Variants in ALG6 observed in about 807,000 individuals in gnomAD.
The protein encoded by ALG6 is dolichyl pyrophosphate Man9GlcNAc2 alpha-1,3-glucosyltransferase.
In ALG6, 46 loss-of-function variants were observed where a neutral mutation model predicts 66.6. That is an observed-to-expected ratio of 0.69 (90% CI 0.55 to 0.88). The LOEUF (loss-of-function observed/expected upper bound fraction) is 0.88. Among genes scored for constraint, ALG6 ranks in the 40% least tolerant of loss-of-function variants. The pLI, the probability that ALG6 is intolerant of heterozygous loss-of-function variation, is 0.00. For synonymous variants in ALG6, 185 were observed against 203.7 expected, an observed-to-expected ratio of 0.91 and a Z score of 0.78; for missense variants, 505 against 586.8, an observed-to-expected ratio of 0.86 and a Z score of 1.44.
intron 13 of ALG6, 58 bp downstream of exon 13, chr1:63,428,859 C>CT (rs1644630641): frequency 6.3e-7 from 1 of 1,587,764 alleles, no homozygotes; most frequent in African/African-American, 1.3e-5. Context: ...TAATTTAAAA[C>CT]TTTTTTATGA....
At chr1:63,382,641 GTT>G (rs146212470) in intron 2 of ALG6, among the ~76,000 whole-genome samples, 920 of 51,052 alleles carry the variant, frequency 0.018, 19 homozygotes, top group African/African-American at 0.087. Context: ...GCCTGGCTAA[GTT>G]TTTTTTTGTT....
rs931496282 is a variant in ALG6 at position 63,432,946 on chromosome 1, A to G, written c.1326+3820A>G. ...CATGCTTGCCTAATTTTTATTTTTT[A>G]TTTTATTCTTTTTGAGATGGAGTTT... is the stretch of plus-strand genomic sequence containing the variant. On this transcript the variant is annotated intron_variant, in intron 14 of 14. Coordinates refer to ENST00000263440, the MANE Select transcript of ALG6 (RefSeq NM_013339.4). Among the ~76,000 whole-genome samples, 7 of 151,664 alleles carry G rather than the reference A, an allele frequency of 4.6e-5. No homozygotes were observed. The East Asian group carries it at 1.4e-3, about 29-fold the overall frequency.
At chr1:63,401,029 A>G (rs1557588158) in intron 3 of ALG6, among the ~76,000 whole-genome samples, 2 of 152,110 alleles carry the variant, frequency 1.3e-5, no homozygotes, top group Non-Finnish European at 2.9e-5. Flanking sequence ...AGGGGCTCCA[A>G]CTAACCCAGA....
In ALG6 at chr1:63,375,431, TTTTTTTC is replaced by T. The variant is rs1283121768; in HGVS notation, c.82+4373_82+4379del. ...CGGCATTTTTTTTTTTTTTTTTTTT[TTTTTTTC>T]CAGTAGAGACAGGATTTCCCCATGT... is the stretch of plus-strand genomic sequence containing the variant. On this transcript the variant is annotated intron_variant, in intron 2 of 14. Transcript: ENST00000263440. Among the ~76,000 whole-genome samples, 502 of 144,478 alleles carry T rather than the reference TTTTTTTC, an allele frequency of 3.5e-3. 4 individuals are homozygous for T. Among genetic ancestry groups the T allele is most frequent in the African/African-American group, 0.013 (482 of 36,750 alleles). The allele number at this position is 144,478 out of a possible 152,430, so 94.8% of individuals were successfully genotyped here. A position where few individuals can be genotyped will look rare whatever the true frequency, so the allele number is the denominator to read the frequency against.
intron 14 of ALG6, among the ~76,000 whole-genome samples, chr1:63,431,530 C>A (rs1163540117): frequency 6.6e-6 from 1 of 152,174 alleles, no homozygotes; most frequent in African/African-American, 2.4e-5. Context: ...AGTCTTCCCA[C>A]CTCAGCCCCC....
chr1:63,411,821 G>A (rs1209510629), intron 8 of ALG6, 105 bp from the exon 9 acceptor site: 1 of 1,457,604 alleles, frequency 6.9e-7, no homozygotes, highest in Non-Finnish European at 9.6e-7. Context: ...CATAGATTTG[G>A]CATTACTATA....
intron 1 of ALG6, among the ~76,000 whole-genome samples, chr1:63,368,913 A>G (rs1174328256): frequency 6.6e-6 from 1 of 152,194 alleles, no homozygotes; most frequent in Non-Finnish European, 1.5e-5. Context: ...ACCACTACTC[A>G]AATCAAGAAG....
At chr1:63,406,286 C>T in intron 5 of ALG6, 31 bp from the exon 6 acceptor site, 2 of 1,583,618 alleles carry the variant, frequency 1.3e-6, no homozygotes, top group Non-Finnish European at 1.7e-6. Flanking sequence ...CTGATGGACT[C>T]ATGTTTAAAG....
intron 2 of ALG6, among the ~76,000 whole-genome samples, chr1:63,386,998 T>G (rs1266669548): frequency 6.6e-6 from 1 of 152,198 alleles, no homozygotes; most frequent in Non-Finnish European, 1.5e-5. Flanking sequence ...CATTTTCATT[T>G]GTTTGAAGAA....
At chr1:63,376,804 A>G (rs1015742065) in intron 2 of ALG6, among the ~76,000 whole-genome samples, 1 of 152,192 alleles carries the variant, frequency 6.6e-6, no homozygotes, top group Non-Finnish European at 1.5e-5. Context: ...TTCTGCATAT[A>G]TTCAATAACC....
At chr1:63,431,358 C>G (rs1401369277) in intron 14 of ALG6, among the ~76,000 whole-genome samples, 1 of 152,158 alleles carries the variant, frequency 6.6e-6, no homozygotes, top group Admixed American at 6.6e-5. Flanking sequence ...CAGTTTTCTC[C>G]CAAAACTCAG....
At chr1:63,382,086 T>C (rs1042548774) in intron 2 of ALG6, among the ~76,000 whole-genome samples, 1 of 152,176 alleles carries the variant, frequency 6.6e-6, no homozygotes, top group African/African-American at 2.4e-5. Flanking sequence ...TTGTTGTTTT[T>C]TAAAAGTTTT....
At chr1:63,407,680 C>A (rs1644495463) in intron 7 of ALG6, among the ~76,000 whole-genome samples, 1 of 151,718 alleles carries the variant, frequency 6.6e-6, no homozygotes, top group African/African-American at 2.4e-5. Flanking sequence ...TCTAATTTGT[C>A]TTATAATATA....
At chr1:63,372,224 A>G (rs1357071427) in intron 2 of ALG6, among the ~76,000 whole-genome samples, 1 of 152,218 alleles carries the variant, frequency 6.6e-6, no homozygotes, top group African/African-American at 2.4e-5. Flanking sequence ...AGAATAGGTT[A>G]TACAATTAGC....
chr1:63,387,253 A>G (rs570125106), intron 2 of ALG6, among the ~76,000 whole-genome samples: 3 of 152,156 alleles, frequency 2.0e-5, no homozygotes, highest in African/African-American at 4.8e-5. Flanking sequence ...TTCTCTAGCC[A>G]TTGGATGAAA....
At chr1:63,425,334 G>A (rs1231749135) in intron 12 of ALG6, among the ~76,000 whole-genome samples, 1 of 152,166 alleles carries the variant, frequency 6.6e-6, no homozygotes, top group Non-Finnish European at 1.5e-5. Context: ...GAGCACAAAT[G>A]GAAGAATTGG....
chr1:63,377,076 C>T (rs1054255648), intron 2 of ALG6, among the ~76,000 whole-genome samples: 23 of 152,124 alleles, frequency 1.5e-4, no homozygotes, highest in African/African-American at 5.6e-4. Flanking sequence ...ATTCTCCTGC[C>T]TCAGCCTCCC....
intron 11 of ALG6, 25 bp downstream of exon 11, chr1:63,415,982 CTT>C (rs778323321): frequency 6.8e-7 from 1 of 1,475,668 alleles, no homozygotes; most frequent in South Asian, 1.1e-5. Flanking sequence ...ACTTTAGATA[CTT>C]AATTCTTGCC....
chr1:63,399,416 G>A (rs576559449), intron 3 of ALG6, among the ~76,000 whole-genome samples: 1 of 152,204 alleles, frequency 6.6e-6, no homozygotes, highest in Non-Finnish European at 1.5e-5. Flanking sequence ...GCACGCAGGA[G>A]TCTGAACAGC....
Sources: allele counts gnomAD v4.1 joint callset (sites outside exome capture counted in the v4.1 genomes callset), GRCh38; gene constraint gnomAD v4.1.1; transcripts MANE v1.5; gene names NCBI Gene and HGNC (gene_info 2026-07-23, HGNC 2026-07-21).